BCKDHA: variants seen among roughly 807,000 people sequenced by gnomAD.
BCKDHA encodes the protein branched chain keto acid dehydrogenase E1 subunit alpha.
BCKDHA carries 43 observed loss-of-function variants against 52.2 expected under a neutral mutation model. The observed-to-expected ratio is 0.82, with a 90% confidence interval of 0.64 to 1.06. The LOEUF (loss-of-function observed/expected upper bound fraction) is 1.06. Ranked by LOEUF, BCKDHA falls within the 50% of genes least tolerant of loss-of-function variation. BCKDHA has a pLI of 0.00. For synonymous variants in BCKDHA, 234 were observed against 247.9 expected (o/e 0.94, Z 0.53); for missense variants, 527 against 621.3 (o/e 0.85, Z 1.61).
At position 41,414,326 on chromosome 19, in the gene BCKDHA, T is replaced by A. The variant is rs73931480; in HGVS notation, c.484+169T>A. Among the ~76,000 whole-genome samples, 5,140 of 152,224 alleles carry A rather than the reference T, an allele frequency of 0.034. 278 individuals are homozygous for A. The highest frequency in any genetic ancestry group is 0.12 in the African/African-American group (4,840 of 41,510). The stretch of plus-strand genomic sequence containing the variant: ...AGGGTTAGGACTCTGGAGGGGGCAG[T>A]CTTCCCACTCTGAAGGCCAGAAAGT... On this transcript the variant is annotated intron_variant, in intron 4 of 8. Coordinates refer to ENST00000269980, the MANE Select transcript of BCKDHA (RefSeq NM_000709.4).
chr19:41,408,697 A>G (rs2039220420), intron 1 of BCKDHA, among the ~76,000 whole-genome samples: 1 of 151,842 alleles, frequency 6.6e-6, no homozygotes. Context: ...GGCTTACTGC[A>G]GCCTCCACCT....
At chr19:41,405,690 G>A (rs2039184726) in intron 1 of BCKDHA, among the ~76,000 whole-genome samples, 1 of 152,142 alleles carries the variant, frequency 6.6e-6, no homozygotes, top group Non-Finnish European at 1.5e-5. Flanking sequence ...CTCCAGAGTA[G>A]CTAGAATTAC....
At chr19:41,398,005 G>C in intron 1 of BCKDHA, 70 bp downstream of exon 1, 1 of 1,354,614 alleles carries the variant, frequency 7.4e-7, no homozygotes, top group Non-Finnish European at 1.0e-6. Context: ...TCAGAGTGTG[G>C]GGTCCCTGAA....
intron 1 of BCKDHA, among the ~76,000 whole-genome samples, chr19:41,406,000 A>G (rs1220193556): frequency 6.6e-6 from 1 of 152,086 alleles, no homozygotes; most frequent in Non-Finnish European, 1.5e-5. Flanking sequence ...AGATGGGTGG[A>G]GTCGCATCCT....
intron 1 of BCKDHA, 34 bp downstream of exon 1, chr19:41,397,969 G>A: frequency 6.4e-7 from 1 of 1,574,288 alleles, no homozygotes; most frequent in Non-Finnish European, 8.7e-7. Flanking sequence ...TTTTCCCAAA[G>A]GGGATTAGGG....
chr19:41,415,983 G>A (rs12979462), intron 4 of BCKDHA, among the ~76,000 whole-genome samples: 10 of 144,792 alleles, frequency 6.9e-5, no homozygotes, highest in Non-Finnish European at 1.5e-4. Context: ...TCACTCTGTC[G>A]CCCAGGCTGG....
rs373336888 is a variant in BCKDHA at position 41,422,718 on chromosome 19, C to T, written c.943C>T (p.Arg315Trp). ...ATACAACGCCACAAAGGAGGCCCGA[C>T]GGCGGGCTGTGGCAGAGAACCAGCC... ...AVYNATKEAR[R>W]RAVAENQPFL... is the part of the protein sequence containing the mutation. The change falls in exon 7 of 9, where the codon CGG becomes TGG. Residue 315 changes from arginine (R) to tryptophan (W), a missense_variant. Physicochemically the swap from Arg to Trp is moderately radical, Grantham distance 101. Coordinates refer to ENST00000269980, the MANE Select transcript of BCKDHA (RefSeq NM_000709.4). The T allele has an allele frequency of 1.1e-4, 178 of 1,613,982 alleles. No homozygotes were observed. Among genetic ancestry groups the T allele is most frequent in the Middle Eastern group, 1.6e-4 (1 of 6,084 alleles).
intron 3 of BCKDHA, among the ~76,000 whole-genome samples, chr19:41,412,010 G>T (rs918285235): frequency 6.6e-6 from 1 of 152,192 alleles, no homozygotes; most frequent in East Asian, 1.9e-4. Context: ...CCGCCGAGCC[G>T]CGAGGAGCTC....
Position 41,397,902 on chromosome 19 carries a change from G to C in BCKDHA, c.75G>C (p.Leu25=). 1 of 1,614,106 alleles carries C rather than the reference G, an allele frequency of 6.2e-7. No homozygotes were observed. The highest frequency in any genetic ancestry group is 8.5e-7 in the Non-Finnish European group (1 of 1,180,038). Residue 25 remains leucine (L), a synonymous_variant, in exon 1 of 9, where the codon CTG becomes CTC. Coordinates refer to ENST00000269980, the MANE Select transcript of BCKDHA (RefSeq NM_000709.4). ...TGAGCCAGGCTGCCCTCCTGCTGCT[G>C]CGGCAGCCTGGGGCTCGGGGACTGG... is the stretch of plus-strand genomic sequence containing the variant. ...RGLSQAALLL[L]RQPGARGLAR...
intron 5 of BCKDHA, among the ~76,000 whole-genome samples, chr19:41,419,961 G>A (rs574922895): frequency 8.3e-4 from 126 of 152,012 alleles, no homozygotes; most frequent in Non-Finnish European, 1.4e-3. Context: ...TAGAGATAAG[G>A]TTTCACCATT....
chr19:41,401,180 G>A (rs562623387), intron 1 of BCKDHA, among the ~76,000 whole-genome samples: 13 of 151,796 alleles, frequency 8.6e-5, no homozygotes, highest in South Asian at 2.1e-4. Flanking sequence ...GGGTTCAAGC[G>A]ATTCTCCTGC....
intron 3 of BCKDHA, among the ~76,000 whole-genome samples, chr19:41,413,593 C>G (rs1264658779): frequency 6.6e-6 from 1 of 152,202 alleles, no homozygotes; most frequent in African/African-American, 2.4e-5. Flanking sequence ...CACATTGCTC[C>G]CTTGAGAAGA....
rs766707647 is a variant in BCKDHA, at chr19:41,410,713, T to C, written c.185T>C (p.Ile62Thr). The C allele has an allele frequency of 1.2e-6, 2 of 1,614,210 alleles. No individual in the cohort carries two copies. The highest frequency in any genetic ancestry group is 1.7e-6 in the Non-Finnish European group (2 of 1,180,040). The change falls in exon 2 of 9, where the codon ATA (isoleucine) becomes ACA (threonine). Residue 62 changes from isoleucine (I) to threonine (T), a missense_variant. By Grantham distance (89) the Ile-to-Thr change is moderately conservative. Transcript: ENST00000269980. ...PQFPGASAEF[I>T]DKLEFIQPNV... is the part of the protein sequence containing the mutation. The stretch of plus-strand genomic sequence containing the variant: ...TTCCCAGGGGCCTCGGCGGAGTTTA[T>C]AGATAAGTTGGAATTCATCCAGCCC...
intron 4 of BCKDHA, among the ~76,000 whole-genome samples, chr19:41,417,823 G>T (rs2039321474): frequency 6.6e-6 from 1 of 152,066 alleles, no homozygotes; most frequent in Non-Finnish European, 1.5e-5. Context: ...TACTCAGGAG[G>T]CTGAGGCAGG....
Position 41,423,187 on chromosome 19 carries a change from G to A in BCKDHA, c.1167+18G>A, listed in dbSNP as rs377529297. The A allele has an allele frequency of 3.6e-5, 56 of 1,550,202 alleles. No individual in the cohort carries two copies. In the African/African-American group the frequency reaches 3.7e-4, roughly 10 times the overall value. ...GCAGGAAGGTGAGGGTGCCCCGCCC[G>A]GGAGGGTGTGCTGGGGGCTGCTGCG... On this transcript the variant is annotated intron_variant, in intron 8 of 8. Transcript: ENST00000269980.
At chr19:41,413,992 C>T in intron 3 of BCKDHA, 57 bp from the exon 4 acceptor site, 2 of 1,445,222 alleles carry the variant, frequency 1.4e-6, no homozygotes, top group Non-Finnish European at 1.9e-6. Flanking sequence ...TTGGATGGCT[C>T]TCTGTCATTG....
Position 41,424,795 on chromosome 19 carries a change from G to A in BCKDHA, c.*187G>A, listed in dbSNP as rs562579185. On this transcript the variant is annotated 3_prime_UTR_variant, in exon 9 of 9. Transcript: ENST00000269980. ...CCGGCTGTTACATTGTCAGGGGACAGCATCTGCAGCAGTTGCTGAGGCTCC... is the reference window on the plus strand; with the variant it reads ...CCGGCTGTTACATTGTCAGGGGACAACATCTGCAGCAGTTGCTGAGGCTCC... The A allele has an allele frequency of 7.9e-5, 49 of 622,108 alleles. 1 individual carries two copies. The African/African-American group carries it at 8.6e-4, about 11-fold the overall frequency. The allele number at this position is 622,108 out of a possible 1,614,324, so 38.5% of individuals were successfully genotyped here.
At chr19:41,412,997 C>T (rs1218961730) in intron 3 of BCKDHA, among the ~76,000 whole-genome samples, 2 of 152,264 alleles carry the variant, frequency 1.3e-5, no homozygotes, top group Non-Finnish European at 2.9e-5. Flanking sequence ...AGCCACCGTG[C>T]CTAGCCTGTC....
At position 41,414,102 on chromosome 19, in the gene BCKDHA, G is replaced by T. The variant is rs1402214376; in HGVS notation, c.429G>T (p.Gly143=). 1 of 1,613,674 alleles carries T rather than the reference G, an allele frequency of 6.2e-7. No individual in the cohort carries two copies. The highest frequency in any genetic ancestry group is 1.1e-5 in the South Asian group (1 of 91,092). ...ATGGTGAGGAGGGCACGCACGTGGGGAGTGCCGCCGCCCTGGACAACACGG... is the reference window on the plus strand; with the variant it reads ...ATGGTGAGGAGGGCACGCACGTGGGTAGTGCCGCCGCCCTGGACAACACGG... ...TNYGEEGTHV[G]SAAALDNTDL... is the part of the protein sequence containing the mutation. The change falls in exon 4 of 9, where the codon GGG becomes GGT. Residue 143 remains glycine, a synonymous_variant. Coordinates refer to ENST00000269980, the MANE Select transcript of BCKDHA (RefSeq NM_000709.4).
Sources: gnomAD v4.1 joint callset for allele counts (sites outside exome capture counted in the v4.1 genomes callset) on GRCh38, gnomAD v4.1.1 for gene constraint, MANE v1.5 for transcripts, NCBI Gene and HGNC (gene_info 2026-07-23, HGNC 2026-07-21) for gene names.